The following LIMCH1 variants were observed in gnomAD, a reference collection of about 807,000 sequenced individuals.
LIMCH1 encodes the protein LIM and calponin homology domains-containing protein 1.
A neutral mutation model predicts 176.5 loss-of-function variants in LIMCH1; 113 were observed. That is an observed-to-expected ratio of 0.64 (90% confidence interval 0.55 to 0.75). The LOEUF is 0.75. LIMCH1 is among the 30% of genes least tolerant of loss of function. The probability of loss-of-function intolerance (pLI) is 0.00; values close to 1 mark genes in which losing one functional copy is unlikely to be tolerated. For synonymous variants in LIMCH1, 619 were observed against 645.9 expected (o/e 0.96, Z 0.63); for missense variants, 1,674 against 1,814.9 (o/e 0.92, Z 1.41).
intron 31 of LIMCH1, among the ~76,000 whole-genome samples, 155 bp from the exon 32 acceptor site, chr4:41,697,005 G>T (rs183050793): frequency 5.3e-5 from 8 of 152,262 alleles, no homozygotes; most frequent in African/African-American, 1.9e-4. Flanking sequence ...ACTTGTCCTG[G>T]GGCCACACTT....
rs906821913 is a variant in LIMCH1 at position 41,603,841 on chromosome 4, C to T, written c.-133-34C>T. ...AGGTCACAATTTAGAATCTGCTATT[C>T]TGACAATATTTTCTTTTCCCTTTCC... On this transcript the variant is annotated intron_variant, in intron 2 of 31. Transcript: ENST00000503057. The T allele has an allele frequency of 4.6e-6, 7 of 1,530,842 alleles. No individual in the cohort carries two copies. In the Admixed American group the frequency reaches 6.7e-5, roughly 15 times the overall value. The allele number at this position is 1,530,842 out of a possible 1,614,324, so 94.8% of individuals were successfully genotyped here.
chr4:41,635,240 T>G (rs1585130439), intron 13 of LIMCH1, among the ~76,000 whole-genome samples: 1 of 151,882 alleles, frequency 6.6e-6, no homozygotes, highest in Non-Finnish European at 1.5e-5. Context: ...CTGTCACTTT[T>G]TTTTTTTTTT....
chr4:41,547,300 T>A (rs1308827581), intron 1 of LIMCH1, among the ~76,000 whole-genome samples: 1 of 152,158 alleles, frequency 6.6e-6, no homozygotes, highest in Non-Finnish European at 1.5e-5. Context: ...ACATGTCACC[T>A]TTCTTCACCC....
intron 1 of LIMCH1, among the ~76,000 whole-genome samples, chr4:41,430,927 A>C (rs2061555420): frequency 6.6e-6 from 1 of 152,182 alleles, no homozygotes; most frequent in Non-Finnish European, 1.5e-5. Context: ...TGAAATTGGA[A>C]ATAAACCAGC....
chr4:41,548,106 GATCTCAGTGA>G (rs2079856279), intron 1 of LIMCH1, among the ~76,000 whole-genome samples: 1 of 151,650 alleles, frequency 6.6e-6, no homozygotes, highest in Non-Finnish European at 1.5e-5. Context: ...CACCTTATAA[GATCTCAGTGA>G]ATGATGATGT....
intron 4 of LIMCH1, 51 bp downstream of exon 4, chr4:41,606,055 G>A (rs2152771250): frequency 7.7e-7 from 1 of 1,297,104 alleles, no homozygotes; most frequent in African/African-American, 1.5e-5. Context: ...AGGTGGGAAA[G>A]CTACACATTT....
chr4:41,645,641 C>T (rs549537188), intron 15 of LIMCH1, among the ~76,000 whole-genome samples: 1 of 152,170 alleles, frequency 6.6e-6, no homozygotes, highest in Non-Finnish European at 1.5e-5. Flanking sequence ...TTGTAAGGAT[C>T]AGATGAATTA....
chr4:41,382,876 C>T (rs866004931), intron 1 of LIMCH1, among the ~76,000 whole-genome samples: 2 of 152,158 alleles, frequency 1.3e-5, no homozygotes, highest in South Asian at 4.1e-4. Context: ...ACTGCAGCCT[C>T]GACCTCCTGG....
intron 14 of LIMCH1, among the ~76,000 whole-genome samples, chr4:41,643,400 TA>T (rs1344912878): frequency 6.6e-6 from 1 of 152,228 alleles, no homozygotes; most frequent in Non-Finnish European, 1.5e-5. Flanking sequence ...AGTGAGCTTT[TA>T]AGAGCCCTCT....
intron 1 of LIMCH1, among the ~76,000 whole-genome samples, chr4:41,477,187 T>G (rs1038133334): frequency 9.2e-5 from 14 of 152,206 alleles, no homozygotes; most frequent in African/African-American, 3.4e-4. Flanking sequence ...TCTGTACTTT[T>G]GTTTCTTCAT....
intron 3 of LIMCH1, among the ~76,000 whole-genome samples, chr4:41,531,714 A>G (rs1033428570): frequency 1.3e-5 from 2 of 152,164 alleles, no homozygotes; most frequent in African/African-American, 4.8e-5. Context: ...ATTCTGGACA[A>G]CAAAGACTCA....
chr4:41,669,588 A>G (rs568520926), intron 21 of LIMCH1, among the ~76,000 whole-genome samples: 1 of 152,274 alleles, frequency 6.6e-6, no homozygotes, highest in African/African-American at 2.4e-5. Context: ...ATCTCACCAC[A>G]CTCTGAAAAC....
chr4:41,521,853 A>G (rs574215670), intron 2 of LIMCH1, among the ~76,000 whole-genome samples: 1 of 152,176 alleles, frequency 6.6e-6, no homozygotes, highest in Non-Finnish European at 1.5e-5. Flanking sequence ...TCTTCCCTTT[A>G]TGTGATAGGG....
rs1160088065 is a variant in LIMCH1 at position 41,684,482 on chromosome 4, G to T, written c.3931G>T (p.Ala1311Ser). The change falls in exon 27 of 32, where the codon GCC (alanine) becomes TCC (serine). Residue 1311 changes from alanine (A) to serine (S), a missense_variant. Ala to Ser is a moderately conservative substitution (Grantham distance 99). Coordinates refer to ENST00000503057, the MANE Select transcript of LIMCH1 (RefSeq NM_001330672.2). ...EDHQLDTEAG[A>S]PHCGTNPQLA... is the part of the protein sequence containing the mutation. ...CCATCAGCTGGATACCGAGGCTGGG[G>T]CCCCACACTGTGGAACAAACCCACA... is the stretch of plus-strand genomic sequence containing the variant. The T allele has an allele frequency of 6.2e-7, 1 of 1,613,728 alleles. No homozygotes were observed. Among genetic ancestry groups the T allele is most frequent in the Non-Finnish European group, 8.5e-7 (1 of 1,179,808 alleles).
At chr4:41,512,382 C>A (rs981696357) in intron 2 of LIMCH1, among the ~76,000 whole-genome samples, 1 of 152,098 alleles carries the variant, frequency 6.6e-6, no homozygotes, top group Non-Finnish European at 1.5e-5. Flanking sequence ...ACCATATGAC[C>A]CAGCTGTTAT....
chr4:41,688,346 A>G (rs1434314614), intron 29 of LIMCH1, among the ~76,000 whole-genome samples: 1 of 152,244 alleles, frequency 6.6e-6, no homozygotes, highest in Non-Finnish European at 1.5e-5. Flanking sequence ...CAGCTCTCTA[A>G]TGATGACTTC....
At chr4:41,401,569 A>G (rs1424724887) in intron 1 of LIMCH1, among the ~76,000 whole-genome samples, 1 of 152,258 alleles carries the variant, frequency 6.6e-6, no homozygotes, top group South Asian at 2.1e-4. Context: ...TTCTGTGAAG[A>G]AAGTCATTGG....
intron 3 of LIMCH1, among the ~76,000 whole-genome samples, chr4:41,528,301 G>A (rs555496621): frequency 6.1e-4 from 93 of 152,204 alleles, no homozygotes; most frequent in African/African-American, 1.9e-3. Flanking sequence ...AAGGGCGTAC[G>A]GGGGTCATGG....
chr4:41,563,734 T>G (rs938055087), intron 1 of LIMCH1, among the ~76,000 whole-genome samples: 5 of 152,190 alleles, frequency 3.3e-5, no homozygotes, highest in African/African-American at 1.2e-4. Context: ...TGCCCTCTCA[T>G]TTTTCCCTAC....
Sources: allele counts gnomAD v4.1 joint callset (sites outside exome capture counted in the v4.1 genomes callset), GRCh38; gene constraint gnomAD v4.1.1; transcripts MANE v1.5; gene names NCBI Gene and HGNC (gene_info 2026-07-23, HGNC 2026-07-21).